ANO10: variants seen among roughly 807,000 people sequenced by gnomAD.
The protein encoded by ANO10 is anoctamin 10.
In ANO10, 77 loss-of-function variants were observed where a neutral mutation model predicts 74.7. That is an observed-to-expected ratio of 1.03 (90% CI 0.86 to 1.25). ANO10 has a LOEUF of 1.25. ANO10 is among the 50% of genes most tolerant of loss of function. The probability of loss-of-function intolerance (pLI) is 0.00; values close to 1 mark genes in which losing one functional copy is unlikely to be tolerated. For synonymous variants in ANO10, 279 were observed against 284.9 expected, an observed-to-expected ratio of 0.98 and a Z score of 0.21; for missense variants, 721 against 778.1, an observed-to-expected ratio of 0.93 and a Z score of 0.87.
chr3:43,495,345 A>T (rs1172918006), intron 11 of ANO10, among the ~76,000 whole-genome samples: 1 of 152,218 alleles, frequency 6.6e-6, no homozygotes, highest in East Asian at 1.9e-4. Flanking sequence ...TAAGCAAGAC[A>T]AGACACCAGG....
At chr3:43,369,377 G>A (rs1441796286) in intron 12 of ANO10, among the ~76,000 whole-genome samples, 1 of 152,266 alleles carries the variant, frequency 6.6e-6, no homozygotes, top group Non-Finnish European at 1.5e-5. Context: ...TGGTGGCAAA[G>A]GTAGAAAGAA....
intron 1 of ANO10, among the ~76,000 whole-genome samples, chr3:43,652,305 T>C (rs1402464642): frequency 2.6e-5 from 4 of 152,164 alleles, no homozygotes; most frequent in African/African-American, 9.7e-5. Context: ...GATAGATATA[T>C]ATTAATACAT....
intron 12 of ANO10, among the ~76,000 whole-genome samples, chr3:43,411,006 G>A (rs2092655837): frequency 1.3e-5 from 2 of 151,980 alleles, no homozygotes; most frequent in Non-Finnish European, 2.9e-5. Flanking sequence ...TATAAGAAAA[G>A]TTCCGTAATA....
chr3:43,626,666 T>A (rs1039352716), upstream of ANO10, among the ~76,000 whole-genome samples: 7 of 152,172 alleles, frequency 4.6e-5, no homozygotes, highest in African/African-American at 1.7e-4. Context: ...ATGGAGTGGA[T>A]CCAACTTTAT....
intron 4 of ANO10, among the ~76,000 whole-genome samples, chr3:43,594,047 A>G (rs1005097944): frequency 1.3e-5 from 2 of 152,260 alleles, no homozygotes; most frequent in African/African-American, 4.8e-5. Flanking sequence ...GATCAATTCA[A>G]CAAGAAGAGC....
intron 10 of ANO10, among the ~76,000 whole-genome samples, chr3:43,551,263 G>A (rs2079443057): frequency 6.6e-6 from 1 of 152,184 alleles, no homozygotes; most frequent in Non-Finnish European, 1.5e-5. Flanking sequence ...AATTTTGATA[G>A]ATAAATACGA....
rs538658430 is a variant in ANO10, at chr3:43,404,442, C to G, written c.1914+28169G>C. The stretch of plus-strand genomic sequence containing the variant: ...CTGATAAGACCAAAGCCCCAGCTGA[C>G]ATCTTAGATTGCAGCCTACTAAGAC... On this transcript the variant is annotated intron_variant, in intron 12 of 12. Transcript: ENST00000292246. 2.0e-5 allele frequency among the ~76,000 whole-genome samples: 3 copies of G among 152,310 alleles called. No individual in the cohort carries two copies. The South Asian group carries it at 6.2e-4, about 32-fold the overall frequency.
intron 11 of ANO10, among the ~76,000 whole-genome samples, chr3:43,535,464 C>A (rs936076860): frequency 6.6e-6 from 1 of 151,640 alleles, no homozygotes; most frequent in Non-Finnish European, 1.5e-5. Context: ...TTAGTAGAGA[C>A]GGGATTTCAA....
At chr3:43,670,573 C>T (rs1241740929) in intron 1 of ANO10, among the ~76,000 whole-genome samples, 2 of 152,042 alleles carry the variant, frequency 1.3e-5, no homozygotes, top group Admixed American at 1.3e-4. Context: ...GTGGATTCAA[C>T]GTTCTTATAT....
chr3:43,591,859 C>T (rs957684006), intron 4 of ANO10, among the ~76,000 whole-genome samples: 7 of 152,174 alleles, frequency 4.6e-5, no homozygotes, highest in Non-Finnish European at 8.8e-5. Flanking sequence ...CAAGGGAAGC[C>T]GTGACAGATG....
intron 1 of ANO10, among the ~76,000 whole-genome samples, chr3:43,645,450 C>CT (rs919646439): frequency 1.3e-5 from 2 of 149,912 alleles, no homozygotes; most frequent in Non-Finnish European, 2.9e-5. Flanking sequence ...GATCGTGCCA[C>CT]TGCACTCCAG....
At chr3:43,428,639 G>A (rs937663188) in intron 12 of ANO10, among the ~76,000 whole-genome samples, 4 of 151,822 alleles carry the variant, frequency 2.6e-5, no homozygotes, top group African/African-American at 9.7e-5. Flanking sequence ...TTACAAGGTG[G>A]TTTTAACCAG....
chr3:43,423,276 T>TTC lies in ANO10; in HGVS notation c.1914+9334_1914+9335insGA, dbSNP rs367576257. Among the ~76,000 whole-genome samples the TTC allele has an allele frequency of 7.2e-4, 109 of 152,104 alleles. 2 individuals are homozygous for TTC. Among genetic ancestry groups the TTC allele is most frequent in the African/African-American group, 2.2e-3 (91 of 41,476 alleles). On this transcript the variant is annotated intron_variant, in intron 12 of 12. Transcript: ENST00000292246. Reference sequence around the variant, plus strand: ...TGCCAGAGTATCTATTTTAAGACTCTTTTTTTTGTCCAAGGACATCATTTG... The same window carrying TTC: ...TGCCAGAGTATCTATTTTAAGACTCTTCTTTTTTTGTCCAAGGACATCATTTG...
At chr3:43,677,409 C>G (rs1200277397) in intron 1 of ANO10, among the ~76,000 whole-genome samples, 1 of 152,100 alleles carries the variant, frequency 6.6e-6, no homozygotes, top group Non-Finnish European at 1.5e-5. Context: ...AACAAATTAG[C>G]CAGGTGAACC....
At chr3:43,661,117 T>C (rs1559389806) in intron 1 of ANO10, among the ~76,000 whole-genome samples, 1 of 151,712 alleles carries the variant, frequency 6.6e-6, no homozygotes, top group Non-Finnish European at 1.5e-5. Flanking sequence ...TTCACCAAGG[T>C]TGAAATGAAG....
At chr3:43,535,197 CAAGT>C (rs562125978) in intron 11 of ANO10, among the ~76,000 whole-genome samples, 56 of 150,260 alleles carry the variant, frequency 3.7e-4, no homozygotes, top group Non-Finnish European at 5.8e-4. Flanking sequence ...TGGTCTCAAA[CAAGT>C]AATCTGCCTG....
intron 11 of ANO10, among the ~76,000 whole-genome samples, chr3:43,496,985 C>T (rs1482041424): frequency 6.6e-6 from 1 of 152,146 alleles, no homozygotes; most frequent in Non-Finnish European, 1.5e-5. Flanking sequence ...ATACTGCATC[C>T]TTAAAGACAA....
intron 12 of ANO10, among the ~76,000 whole-genome samples, chr3:43,405,968 A>G (rs962485038): frequency 3.2e-4 from 48 of 152,344 alleles, no homozygotes; most frequent in African/African-American, 1.0e-3. Flanking sequence ...TTAAGGTGAA[A>G]TAATTATTTT....
At chr3:43,669,148 G>C (rs143673558) in intron 1 of ANO10, among the ~76,000 whole-genome samples, 1 of 152,044 alleles carries the variant, frequency 6.6e-6, no homozygotes, top group East Asian at 1.9e-4. Flanking sequence ...AAGCAAGCTG[G>C]AGTTGTGTAT....
Sources: allele counts gnomAD v4.1 joint callset (sites outside exome capture counted in the v4.1 genomes callset), GRCh38; gene constraint gnomAD v4.1.1; transcripts MANE v1.5; gene names NCBI Gene and HGNC (gene_info 2026-07-23, HGNC 2026-07-21).